Variants in BRINP3 observed in about 807,000 individuals in gnomAD.
The protein encoded by BRINP3 is BMP/retinoic acid inducible neural specific 3, also known as BMP/retinoic acid-inducible neural-specific protein 3.
A neutral mutation model predicts 71.0 loss-of-function variants in BRINP3; 19 were observed. That is an observed-to-expected ratio of 0.27 (90% CI 0.19 to 0.39). The LOEUF (loss-of-function observed/expected upper bound fraction) is 0.39. BRINP3 is among the 10% of genes least tolerant of loss of function. The pLI is 1.00. For missense variants in BRINP3, 959 were observed against 940.8 expected (o/e 1.02, Z -0.25); for synonymous variants, 380 against 337.7 (o/e 1.13, Z -1.37).
At chr1:190,317,187 A>T (rs1665943911) in intron 2 of BRINP3, among the ~76,000 whole-genome samples, 1 of 151,784 alleles carries the variant, frequency 6.6e-6, no homozygotes, top group Non-Finnish European at 1.5e-5. Context: ...AAAAAAAAAA[A>T]AAAAAGTCTC....
At chr1:190,427,863 T>G (rs1349879910) in intron 2 of BRINP3, among the ~76,000 whole-genome samples, 1 of 94,038 alleles carries the variant, frequency 1.1e-5, no homozygotes, top group Non-Finnish European at 2.3e-5. Flanking sequence ...ATGCATTAGG[T>G]TTTTTTTTTT....
chr1:190,350,354 C>T (rs977157229), intron 2 of BRINP3, among the ~76,000 whole-genome samples: 2 of 152,040 alleles, frequency 1.3e-5, no homozygotes, highest in African/African-American at 4.8e-5. Context: ...CAGAAAAGTT[C>T]CTAAAAAGTA....
intron 2 of BRINP3, among the ~76,000 whole-genome samples, chr1:190,303,175 T>C (rs1428404796): frequency 6.6e-6 from 1 of 151,672 alleles, no homozygotes. Flanking sequence ...GGAAAGATAA[T>C]CTCAAGATGA....
intron 2 of BRINP3, among the ~76,000 whole-genome samples, chr1:190,299,452 CT>C (rs1643968609): frequency 6.7e-6 from 1 of 150,206 alleles, no homozygotes; most frequent in Non-Finnish European, 1.5e-5. Context: ...TATTATTATA[CT>C]TTAAGTTTTA....
rs779467723 is a variant in BRINP3, at chr1:190,123,166, T to A, written c.1185-24032A>T. On this transcript the variant is annotated intron_variant, in intron 7 of 7. Coordinates refer to ENST00000367462, the MANE Select transcript of BRINP3 (RefSeq NM_199051.3). ...GGGGAACTGGCTTACTTACTGCTTA[T>A]GATAATACTTGTTGCTTGCTCAAAA... Among the ~76,000 whole-genome samples the A allele has an allele frequency of 1.6e-4, 24 of 152,278 alleles. No homozygotes were observed. The Middle Eastern group carries it at 0.01, about 65-fold the overall frequency.
At chr1:190,112,753 C>T (rs1652799840) in intron 7 of BRINP3, among the ~76,000 whole-genome samples, 1 of 152,070 alleles carries the variant, frequency 6.6e-6, no homozygotes, top group South Asian at 2.1e-4. Flanking sequence ...ATCTGAAGCT[C>T]AGCATTTCCC....
At chr1:190,411,598 G>T (rs1328065462) in intron 2 of BRINP3, among the ~76,000 whole-genome samples, 2 of 151,998 alleles carry the variant, frequency 1.3e-5, no homozygotes, top group Non-Finnish European at 2.9e-5. Context: ...AATAATAAAA[G>T]ACTAATTGAA....
chr1:190,441,338 G>A (rs1265090009), intron 2 of BRINP3, among the ~76,000 whole-genome samples: 1 of 152,070 alleles, frequency 6.6e-6, no homozygotes, highest in Non-Finnish European at 1.5e-5. Context: ...GCAATAAAAC[G>A]TGAATATCTG....
At chr1:190,353,017 T>C (rs1455572169) in intron 2 of BRINP3, among the ~76,000 whole-genome samples, 1 of 151,490 alleles carries the variant, frequency 6.6e-6, no homozygotes, top group Non-Finnish European at 1.5e-5. Context: ...CTTATCTTTG[T>C]CATCCATCAG....
intron 6 of BRINP3, among the ~76,000 whole-genome samples, chr1:190,170,275 C>A (rs1320271206): frequency 6.6e-6 from 1 of 151,890 alleles, no homozygotes; most frequent in Admixed American, 6.6e-5. Flanking sequence ...AATAATAGAC[C>A]TGAGGAAATA....
intron 6 of BRINP3, among the ~76,000 whole-genome samples, chr1:190,213,310 G>A (rs1036036793): frequency 5.9e-5 from 9 of 152,026 alleles, no homozygotes; most frequent in African/African-American, 2.2e-4. Context: ...ACATAGAGAA[G>A]ATTTCACAAC....
chr1:190,326,689 A>G (rs1046356104), intron 2 of BRINP3, among the ~76,000 whole-genome samples: 6 of 152,156 alleles, frequency 3.9e-5, no homozygotes, highest in Admixed American at 2.0e-4. Flanking sequence ...AGAATTTCAT[A>G]TCCTGTCAAA....
At chr1:190,308,366 T>C (rs1409974591) in intron 2 of BRINP3, among the ~76,000 whole-genome samples, 2 of 151,858 alleles carry the variant, frequency 1.3e-5, no homozygotes, top group Non-Finnish European at 2.9e-5. Context: ...AGTATTGTTG[T>C]TCTTGCGACA....
chr1:190,210,175 G>A (rs1367155397), intron 6 of BRINP3, among the ~76,000 whole-genome samples: 1 of 152,004 alleles, frequency 6.6e-6, no homozygotes, highest in Non-Finnish European at 1.5e-5. Context: ...ATGTGAATAA[G>A]TATTTTTATC....
chr1:190,365,159 T>C (rs1238669401), intron 2 of BRINP3, among the ~76,000 whole-genome samples: 2 of 152,038 alleles, frequency 1.3e-5, no homozygotes, highest in Non-Finnish European at 2.9e-5. Context: ...TTATAAAAAG[T>C]TCTCAAACAA....
chr1:190,426,569 C>G (rs1673721298), intron 2 of BRINP3, among the ~76,000 whole-genome samples: 1 of 151,646 alleles, frequency 6.6e-6, no homozygotes, highest in African/African-American at 2.4e-5. Flanking sequence ...GATTGTAGAG[C>G]ATTTGGGATT....
At chr1:190,099,499 G>A (rs546613432) in intron 7 of BRINP3, among the ~76,000 whole-genome samples, 1 of 152,242 alleles carries the variant, frequency 6.6e-6, no homozygotes, top group African/African-American at 2.4e-5. Context: ...TTATTGTTTT[G>A]AAATAAGAAG....
intron 2 of BRINP3, among the ~76,000 whole-genome samples, chr1:190,340,776 C>T (rs1348867556): frequency 6.6e-6 from 1 of 151,562 alleles, no homozygotes; most frequent in Non-Finnish European, 1.5e-5. Context: ...GTCAGCCACA[C>T]TTCTCAATGC....
chr1:190,196,496 T>C (rs1417705738), intron 6 of BRINP3, among the ~76,000 whole-genome samples: 1 of 152,108 alleles, frequency 6.6e-6, no homozygotes, highest in African/African-American at 2.4e-5. Context: ...TAAACAGTTA[T>C]AATAACAGTT....
Sources: gnomAD v4.1 joint callset for allele counts (sites outside exome capture counted in the v4.1 genomes callset) on GRCh38, gnomAD v4.1.1 for gene constraint, MANE v1.5 for transcripts, NCBI Gene and HGNC (gene_info 2026-07-23, HGNC 2026-07-21) for gene names.